The following TRERF1 variants were observed in gnomAD, a reference collection of about 807,000 sequenced individuals.
The protein encoded by TRERF1 is transcriptional regulating factor 1, also known as transcriptional-regulating factor 1.
TRERF1 carries 27 observed loss-of-function variants against 122.9 expected under a neutral mutation model. That is an observed-to-expected ratio of 0.22 (90% CI 0.16 to 0.30). The LOEUF is 0.30. TRERF1 is among the 10% of genes least tolerant of loss of function. The pLI is 1.00. For missense variants in TRERF1, 1,248 were observed against 1,560.3 expected (o/e 0.80, Z 3.37); for synonymous variants, 636 against 641.7 (o/e 0.99, Z 0.13).
intron 4 of TRERF1, among the ~76,000 whole-genome samples, chr6:42,277,905 GGAAGAAGAAGAA>G (rs70987587): frequency 0.046 from 3,875 of 84,982 alleles, 172 homozygotes; most frequent in African/African-American, 0.082. Flanking sequence ...GAAGGAAGAA[GGAAGAAGAAGAA>G]GAAGAAGAAG....
chr6:42,276,390 G>A lies in TRERF1; in HGVS notation c.-258-6542C>T, dbSNP rs1283830116. Among the ~76,000 whole-genome samples, 1 of 152,232 alleles carries A rather than the reference G, an allele frequency of 6.6e-6. No individual in the cohort carries two copies. Among genetic ancestry groups the A allele is most frequent in the African/African-American group, 2.4e-5 (1 of 41,452 alleles). On this transcript the variant is annotated intron_variant, in intron 4 of 17. Transcript: ENST00000372922. The surrounding 1 kb of genome is among the most constrained non-coding windows in gnomAD (Gnocchi z 4.3). ...ATTTTCCTTTTTCTGACCCCGGGCA[G>A]TCAGTTAGAGACTGTATACACAATT...
Position 42,276,312 on chromosome 6 carries a change from A to G in TRERF1, c.-258-6464T>C, listed in dbSNP as rs1158498378. On this transcript the variant is annotated intron_variant, in intron 4 of 17. Coordinates refer to ENST00000372922, the Ensembl canonical transcript of TRERF1. This position sits in a 1 kb window ranked among gnomAD's most constrained non-coding sequence, Gnocchi z 4.3. ...TTGCTTACAATTCAGAAGGGGTAAC[A>G]CCCTGCTCCGGCCAGACCACCATTG... 2.0e-5 allele frequency among the ~76,000 whole-genome samples: 3 copies of G among 152,236 alleles called. No homozygotes were observed. Among genetic ancestry groups the G allele is most frequent in the Admixed American group, 6.5e-5 (1 of 15,282 alleles).
rs11966155 is a variant in TRERF1, at chr6:42,389,581, T to C, written c.-453-26502A>G. Among the ~76,000 whole-genome samples, 1,170 of 152,344 alleles carry C rather than the reference T, an allele frequency of 7.7e-3. 11 individuals are homozygous for C. Among genetic ancestry groups the C allele is most frequent in the African/African-American group, 0.026 (1,098 of 41,592 alleles). On this transcript the variant is annotated intron_variant, in intron 2 of 17. Transcript: ENST00000372922. The stretch of plus-strand genomic sequence containing the variant: ...CCCCAAAGAATGTGCCCAGTAAGCA[T>C]GGGCTCACCATTCCTGTTTTCATTC...
chr6:42,273,219 CT>C (rs1187120755), intron 4 of TRERF1, among the ~76,000 whole-genome samples: 2 of 152,064 alleles, frequency 1.3e-5, no homozygotes, highest in Admixed American at 6.6e-5. Flanking sequence ...TGTAATTGCA[CT>C]TCCACCAGTG....
intron 14 of TRERF1, among the ~76,000 whole-genome samples, chr6:42,244,244 G>T (rs891007068): frequency 3.3e-5 from 5 of 151,854 alleles, no homozygotes; most frequent in Admixed American, 3.3e-4. Context: ...GAGTGCAATG[G>T]CACGATCTCG....
At chr6:42,376,750 C>T (rs965334166) in intron 2 of TRERF1, among the ~76,000 whole-genome samples, 24 of 150,890 alleles carry the variant, frequency 1.6e-4, no homozygotes, top group African/African-American at 5.8e-4. Flanking sequence ...ACCATGTTGG[C>T]CTGGATGGTC....
At chr6:42,247,609 G>T (rs189772081) in intron 13 of TRERF1, among the ~76,000 whole-genome samples, 1 of 152,306 alleles carries the variant, frequency 6.6e-6, no homozygotes, top group Admixed American at 6.5e-5. Context: ...TCACTGCTGG[G>T]CTGGTGCATC....
chr6:42,390,965 C>G (rs750193511), intron 2 of TRERF1, among the ~76,000 whole-genome samples: 15 of 152,200 alleles, frequency 9.9e-5, no homozygotes, highest in Non-Finnish European at 1.9e-4. Context: ...GGAAAAGGAA[C>G]TGAAAGACTG....
In TRERF1 at chr6:42,421,287, TC is replaced by T. The variant is rs140896265; in HGVS notation, c.-454+29889del. On this transcript the variant is annotated intron_variant, in intron 2 of 17. Transcript: ENST00000372922. ...TGGAACAATGGCTTTCAAACTTTTT[TC>T]CATTCTTACTCTCACTAATTAATTA... 4.5e-3 allele frequency among the ~76,000 whole-genome samples: 678 copies of T among 152,322 alleles called. 3 individuals are homozygous for T. Among genetic ancestry groups the T allele is most frequent in the African/African-American group, 0.015 (629 of 41,570 alleles).
At chr6:42,255,200 C>T (rs1776511063) in intron 12 of TRERF1, among the ~76,000 whole-genome samples, 1 of 152,216 alleles carries the variant, frequency 6.6e-6, no homozygotes, top group African/African-American at 2.4e-5. Context: ...TAAAATCCCA[C>T]CCGCCCCAGA....
chr6:42,399,218 A>C (rs1779050896), intron 2 of TRERF1, among the ~76,000 whole-genome samples: 1 of 152,244 alleles, frequency 6.6e-6, no homozygotes, highest in Non-Finnish European at 1.5e-5. Context: ...TTTTAAATAA[A>C]ACAAAAATCA....
chr6:42,232,234 T>C lies in TRERF1; in HGVS notation c.3278+447A>G, dbSNP rs1447184566. ...TGGTGATTGATTAGTGATGTCTGCCTTAGTCACAGAAGTAAGCGAAGGTGG... is the reference window on the plus strand; with the variant it reads ...TGGTGATTGATTAGTGATGTCTGCCCTAGTCACAGAAGTAAGCGAAGGTGG... On this transcript the variant is annotated intron_variant, in intron 17 of 17. Transcript: ENST00000372922. This position sits in a 1 kb window ranked among gnomAD's most constrained non-coding sequence, Gnocchi z 4.5. 6.6e-6 allele frequency among the ~76,000 whole-genome samples: 1 copy of C among 152,234 alleles called. No individual in the cohort carries two copies. The highest frequency in any genetic ancestry group is 1.5e-5 in the Non-Finnish European group (1 of 68,048).
At chr6:42,254,022 A>T (rs1776292833) in intron 13 of TRERF1, among the ~76,000 whole-genome samples, 1 of 152,230 alleles carries the variant, frequency 6.6e-6, no homozygotes, top group African/African-American at 2.4e-5. Flanking sequence ...TAGTGCATGG[A>T]AATGAAAATG....
exon 18 of TRERF1, chr6:42,227,730 G>A (rs1769737526): frequency 2.0e-5 from 3 of 152,236 alleles, no homozygotes. Flanking sequence ...CGGGCCAAAG[G>A]ATGACGGGCA....
chr6:42,319,194 C>T (rs1762986173), intron 3 of TRERF1, among the ~76,000 whole-genome samples: 1 of 152,212 alleles, frequency 6.6e-6, no homozygotes, highest in Non-Finnish European at 1.5e-5. Context: ...TTTCACACCA[C>T]AGATATACTC....
chr6:42,259,215 G>A lies in TRERF1; in HGVS notation c.2269+124C>T, dbSNP rs965215571. 1.6e-5 allele frequency: 21 copies of A among 1,296,428 alleles called. No homozygotes were observed. The highest frequency in any genetic ancestry group is 3.2e-5 in the Admixed American group (1 of 31,216). 80.3% of individuals were successfully genotyped at this position (1,296,428 alleles called of 1,614,324 possible). A position where few individuals can be genotyped will look rare whatever the true frequency, so the allele number is the denominator to read the frequency against. On this transcript the variant is annotated intron_variant, in intron 9 of 17. Transcript: ENST00000372922. This position sits in a 1 kb window ranked among gnomAD's most constrained non-coding sequence, Gnocchi z 4.9. ...AGTCTTTCTTAACACCCAGCAGCGC[G>A]TGCTACATACAGCCAATACTCCGCA...
chr6:42,269,263 C>A lies in TRERF1; in HGVS notation c.328G>T (p.Ala110Ser), dbSNP rs200493020. The change falls in exon 5 of 18, where the codon GCA becomes TCA. Residue 110 changes from alanine to serine, a missense_variant. Physicochemically the swap from Ala to Ser is moderately conservative, Grantham distance 99. This residue lies in a region of TRERF1 where 946 missense variants were observed against 1,073.0 expected (regional missense o/e 0.88). Coordinates refer to ENST00000372922, the Ensembl canonical transcript of TRERF1. This position sits in a 1 kb window ranked among gnomAD's most constrained non-coding sequence, Gnocchi z 4.9. ...TCAGTGGGCTCAGCCTGGGCTGGTG[C>A]CCCCCACATCATGTTTGAGTTGGCC... 6.2e-7 allele frequency: 1 copy of A among 1,614,004 alleles called. No homozygotes were observed. The highest frequency in any genetic ancestry group is 1.3e-5 in the African/African-American group (1 of 74,878).
At chr6:42,273,652 C>T (rs150797657) in intron 4 of TRERF1, among the ~76,000 whole-genome samples, 30 of 152,282 alleles carry the variant, frequency 2.0e-4, no homozygotes, top group African/African-American at 7.0e-4. Flanking sequence ...CCAGAACTCA[C>T]CAATGATCAG....
chr6:42,340,574 T>C (rs975217600), intron 3 of TRERF1, among the ~76,000 whole-genome samples: 10 of 152,064 alleles, frequency 6.6e-5, no homozygotes, highest in Admixed American at 6.5e-4. Flanking sequence ...GTGATAAATA[T>C]GGGCAAAAAA....
Sources: allele counts gnomAD v4.1 joint callset (sites outside exome capture counted in the v4.1 genomes callset), GRCh38; gene constraint gnomAD v4.1.1; regional missense constraint gnomAD v4.1.1; non-coding constraint Gnocchi (gnomAD v3.1); transcripts MANE v1.5; gene names NCBI Gene and HGNC (gene_info 2026-07-23, HGNC 2026-07-21).